Variants in RCBTB1 observed in about 807,000 individuals in gnomAD.
The protein encoded by RCBTB1 is RCC1 and BTB domain containing protein 1.
A neutral mutation model predicts 62.4 loss-of-function variants in RCBTB1; 46 were observed. The ratio of observed to expected loss-of-function variants is 0.74; its 90% CI spans 0.58 to 0.94. The LOEUF (loss-of-function observed/expected upper bound fraction) is 0.94, where lower values mean the gene tolerates loss of function less well. Among genes scored for constraint, RCBTB1 ranks in the 40% least tolerant of loss-of-function variants. RCBTB1 has a pLI of 0.00. For synonymous variants in RCBTB1, 222 were observed against 245.8 expected (o/e 0.90, Z 0.91); for missense variants, 565 against 654.9 (o/e 0.86, Z 1.50).
At chr13:49,563,146 T>C (rs1962584543) in intron 4 of RCBTB1, among the ~76,000 whole-genome samples, 1 of 151,556 alleles carries the variant, frequency 6.6e-6, no homozygotes, top group South Asian at 2.1e-4. Context: ...ACACCTGTAA[T>C]CCCAACACTT....
Position 49,533,983 on chromosome 13 carries a change from A to G in RCBTB1, c.*139T>C. 1 of 823,974 alleles carries G rather than the reference A, an allele frequency of 1.2e-6. No homozygotes were observed. The allele number at this position is 823,974 out of a possible 1,614,324, so 51.0% of individuals were successfully genotyped here. On this transcript the variant is annotated 3_prime_UTR_variant, in exon 13 of 13. Coordinates refer to ENST00000378302, the MANE Select transcript of RCBTB1 (RefSeq NM_018191.4). ...GTACACCCTTGTTATGTTCCTACAC[A>G]AACAACTGTGTCCCAGATGTGGAAA...
intron 12 of RCBTB1, among the ~76,000 whole-genome samples, 178 bp from the exon 13 acceptor site, chr13:49,534,440 T>C (rs941068269): frequency 1.3e-5 from 2 of 152,002 alleles, no homozygotes; most frequent in Admixed American, 1.3e-4. Flanking sequence ...GAAAAACACA[T>C]ACTATTTATT....
chr13:49,581,133 G>T (rs1200174439), intron 1 of RCBTB1, among the ~76,000 whole-genome samples: 1 of 152,128 alleles, frequency 6.6e-6, no homozygotes, highest in Non-Finnish European at 1.5e-5. Flanking sequence ...GTCTTAAGCA[G>T]GGAAGTGGCA....
intron 5 of RCBTB1, among the ~76,000 whole-genome samples, chr13:49,557,972 T>C (rs1417951916): frequency 2.0e-5 from 3 of 152,098 alleles, no homozygotes; most frequent in Non-Finnish European, 4.4e-5. Context: ...AATCCAAACA[T>C]CCATGAACAG....
At chr13:49,561,858 G>A (rs1000230478) in intron 4 of RCBTB1, among the ~76,000 whole-genome samples, 1 of 151,630 alleles carries the variant, frequency 6.6e-6, no homozygotes, top group East Asian at 1.9e-4. Flanking sequence ...TTGGGAGGCC[G>A]AGGCAAGTGG....
intron 9 of RCBTB1, chr13:49,547,213 G>A (rs184326951): frequency 6.6e-6 from 8 of 1,220,432 alleles, no homozygotes; most frequent in Non-Finnish European, 7.5e-6. Context: ...TAAAGAACAT[G>A]GCAAAAATAA....
At chr13:49,540,521 C>T (rs1344580671) in intron 12 of RCBTB1, among the ~76,000 whole-genome samples, 1 of 152,214 alleles carries the variant, frequency 6.6e-6, no homozygotes, top group Non-Finnish European at 1.5e-5. Flanking sequence ...GGAAAGACAG[C>T]AAGGTAAGTC....
At chr13:49,536,158 T>C (rs1959927234) in intron 12 of RCBTB1, among the ~76,000 whole-genome samples, 1 of 152,330 alleles carries the variant, frequency 6.6e-6, no homozygotes, top group Non-Finnish European at 1.5e-5. Flanking sequence ...TTTGAACTAC[T>C]GAGGTATCTG....
At chr13:49,583,386 ATGTG>A (rs6145049) in intron 1 of RCBTB1, among the ~76,000 whole-genome samples, 22,708 of 149,416 alleles carry the variant, frequency 0.15, 1,985 homozygotes, top group East Asian at 0.39. Context: ...GCTTTTGTGT[ATGTG>A]TGTGTGTGTG....
chr13:49,568,734 T>G (rs148812082), intron 2 of RCBTB1, among the ~76,000 whole-genome samples: 3,143 of 151,944 alleles, frequency 0.021, 45 homozygotes, highest in South Asian at 0.045. Context: ...ATCGAGACCA[T>G]CCTGACCAAC....
At position 49,559,923 on chromosome 13, in the gene RCBTB1, C is replaced by T. The variant is rs1483355659; in HGVS notation, c.439G>A (p.Gly147Arg). The T allele has an allele frequency of 6.2e-7, 1 of 1,612,168 alleles. No individual in the cohort carries two copies. The highest frequency in any genetic ancestry group is 8.5e-7 in the Non-Finnish European group (1 of 1,179,274). The change falls in exon 5 of 13, where the codon GGA (glycine) becomes AGA (arginine). Residue 147 changes from glycine to arginine, a missense_variant. By Grantham distance (125) the Gly-to-Arg change is moderately radical. Transcript: ENST00000378302. ...AATAAAAGCAGCATACTTACCTCTC[C>T]ATCAGCTGCCAGAGCCATTGAATGA... ...SHHSMALAADGEVFAWGYNNC... is the reference protein window; with the variant it reads ...SHHSMALAADREVFAWGYNNC...
At chr13:49,546,670 A>C (rs1010896291) in intron 9 of RCBTB1, among the ~76,000 whole-genome samples, 23 of 152,320 alleles carry the variant, frequency 1.5e-4, no homozygotes, top group African/African-American at 5.5e-4. Flanking sequence ...GATTCTCATA[A>C]GGAGCTCGCA....
chr13:49,554,566 G>A lies in RCBTB1; in HGVS notation c.603+949C>T, dbSNP rs1235534834. Reference sequence around the variant, plus strand: ...ACCAGTCCGTGCCCTGTTAGGAACCGGGCCGCACAGCAGGAGGTGAGCAGC... The same window carrying A: ...ACCAGTCCGTGCCCTGTTAGGAACCAGGCCGCACAGCAGGAGGTGAGCAGC... On this transcript the variant is annotated intron_variant, in intron 6 of 12. Coordinates refer to ENST00000378302, the MANE Select transcript of RCBTB1 (RefSeq NM_018191.4). Among the ~76,000 whole-genome samples, 9 of 152,260 alleles carry A rather than the reference G, an allele frequency of 5.9e-5. No homozygotes were observed. In the East Asian group the frequency reaches 9.6e-4, roughly 16 times the overall value.
At chr13:49,575,509 T>G (rs1319456327) in intron 2 of RCBTB1, among the ~76,000 whole-genome samples, 4 of 150,640 alleles carry the variant, frequency 2.7e-5, no homozygotes, top group Non-Finnish European at 5.9e-5. Flanking sequence ...TCAACCTAGG[T>G]GCCCGTTGAC....
At chr13:49,576,216 AT>A (rs989021543) in intron 2 of RCBTB1, among the ~76,000 whole-genome samples, 5 of 133,620 alleles carry the variant, frequency 3.7e-5, no homozygotes, top group Non-Finnish European at 8.0e-5. Flanking sequence ...AGTTGAGATG[AT>A]TTTTTTTAAG....
At chr13:49,564,898 A>G (rs9568266) in intron 4 of RCBTB1, among the ~76,000 whole-genome samples, 36,868 of 149,730 alleles carry the variant, frequency 0.25, 5,768 homozygotes, top group African/African-American at 0.44. Flanking sequence ...CTCAAAAAAA[A>G]AAAGAAAGAA....
intron 5 of RCBTB1, 142 bp downstream of exon 5, chr13:49,559,776 G>A: frequency 1.5e-6 from 1 of 682,832 alleles, no homozygotes; most frequent in Non-Finnish European, 2.3e-6. Context: ...GGTGCATGCT[G>A]GTGACAGTTG....
At chr13:49,570,784 T>C (rs1047368981) in intron 2 of RCBTB1, among the ~76,000 whole-genome samples, 1 of 152,240 alleles carries the variant, frequency 6.6e-6, no homozygotes, top group Non-Finnish European at 1.5e-5. Context: ...GTAGCTTCCA[T>C]ACATTATTTC....
At position 49,561,966 on chromosome 13, in the gene RCBTB1, G is replaced by A. The variant is rs955177740; in HGVS notation, c.278-1882C>T. On this transcript the variant is annotated intron_variant, in intron 4 of 12. Coordinates refer to ENST00000378302, the MANE Select transcript of RCBTB1 (RefSeq NM_018191.4). ...AAAAATACAAAAATCAGCCAGGCAT[G>A]GTAGCGCGCACCTGTAATCCCAGCT... Among the ~76,000 whole-genome samples, 15 of 151,778 alleles carry A rather than the reference G, an allele frequency of 9.9e-5. No homozygotes were observed. In the South Asian group the frequency reaches 1.0e-3, roughly 10 times the overall value.
Sources: allele counts gnomAD v4.1 joint callset (sites outside exome capture counted in the v4.1 genomes callset), GRCh38; gene constraint gnomAD v4.1.1; transcripts MANE v1.5; gene names NCBI Gene and HGNC (gene_info 2026-07-23, HGNC 2026-07-21).